Variants in DPY19L2 observed in about 807,000 individuals in gnomAD.
The protein encoded by DPY19L2 is probable C-mannosyltransferase DPY19L2.
In DPY19L2, 34 loss-of-function variants were observed where a neutral mutation model predicts 97.9. The ratio of observed to expected loss-of-function variants is 0.35; its 90% CI spans 0.26 to 0.46. The LOEUF is 0.46. Ranked by LOEUF, DPY19L2 falls within the 20% of genes least tolerant of loss-of-function variation. DPY19L2 has a pLI of 1.00. For synonymous variants in DPY19L2, 230 were observed against 307.9 expected (o/e 0.75, Z 2.65); for missense variants, 623 against 911.4 (o/e 0.68, Z 4.07).
At chr12:63,609,006 A>G (rs1277274123) in intron 11 of DPY19L2, among the ~76,000 whole-genome samples, 7 of 152,300 alleles carry the variant, frequency 4.6e-5, no homozygotes. Context: ...TCAGTTATCC[A>G]GCAACGTTAG....
intron 6 of DPY19L2, among the ~76,000 whole-genome samples, chr12:63,627,636 C>T (rs1889796767): frequency 1.3e-5 from 2 of 152,178 alleles, no homozygotes; most frequent in South Asian, 4.1e-4. Flanking sequence ...AGGCGTGAGC[C>T]ACCGCACCCG....
chr12:63,631,534 T>C (rs366488), intron 6 of DPY19L2, among the ~76,000 whole-genome samples: 1 of 152,086 alleles, frequency 6.6e-6, no homozygotes, highest in Admixed American at 6.5e-5. Context: ...AATCTCTGAA[T>C]AGACCAATAA....
intron 6 of DPY19L2, among the ~76,000 whole-genome samples, chr12:63,642,033 A>T (rs1466060889): frequency 6.6e-6 from 1 of 152,074 alleles, no homozygotes; most frequent in Non-Finnish European, 1.5e-5. Context: ...ACATATGTTT[A>T]TTGACCATTT....
intron 8 of DPY19L2, among the ~76,000 whole-genome samples, chr12:63,623,007 T>A (rs1350175969): frequency 6.6e-6 from 1 of 152,140 alleles, no homozygotes; most frequent in Non-Finnish European, 1.5e-5. Context: ...AACAAATGAC[T>A]TTTATATAAG....
Position 63,668,403 on chromosome 12 carries a change from G to T in DPY19L2, c.-10C>A. 6.3e-7 allele frequency: 1 copy of T among 1,594,792 alleles called. No individual in the cohort carries two copies. Among genetic ancestry groups the T allele is most frequent in the Non-Finnish European group, 8.5e-7 (1 of 1,170,870 alleles). On this transcript the variant is annotated 5_prime_UTR_variant, in exon 1 of 22. Transcript: ENST00000324472. ...CTCCTTGTTTTCTCATAATCAAGGAGTATGGTGGAGCTGGGTCAATTTCAG... is the reference window on the plus strand; with the variant it reads ...CTCCTTGTTTTCTCATAATCAAGGATTATGGTGGAGCTGGGTCAATTTCAG...
At chr12:63,587,741 T>C (rs1882057989) in intron 16 of DPY19L2, among the ~76,000 whole-genome samples, 1 of 151,800 alleles carries the variant, frequency 6.6e-6, no homozygotes, top group African/African-American at 2.4e-5. Flanking sequence ...CCCAGCTAAT[T>C]TGTGTATTTT....
In DPY19L2 at chr12:63,661,043, C is replaced by A. The variant is rs189412102; in HGVS notation, c.588+301G>T. On this transcript the variant is annotated intron_variant, in intron 4 of 21. Coordinates refer to ENST00000324472, the MANE Select transcript of DPY19L2 (RefSeq NM_173812.5). ...ATGCTCACCCACGAGGTGTCCAAAGCCAAAAGCCCATCCCTATTTAGAACT... is the reference window on the plus strand; with the variant it reads ...ATGCTCACCCACGAGGTGTCCAAAGACAAAAGCCCATCCCTATTTAGAACT... The A allele has an allele frequency of 8.3e-3, 1,480 of 177,560 alleles. 11 individuals are homozygous for A. The highest frequency in any genetic ancestry group is 0.014 in the Non-Finnish European group (1,193 of 85,174). The allele number at this position is 177,560 out of a possible 1,614,324, so 11.0% of individuals were successfully genotyped here.
chr12:63,646,072 T>G (rs1267312830), intron 5 of DPY19L2, among the ~76,000 whole-genome samples: 3 of 152,174 alleles, frequency 2.0e-5, no homozygotes, highest in African/African-American at 7.2e-5. Flanking sequence ...TCCCTATTCT[T>G]AAAATACTTA....
chr12:63,563,624 T>C (rs893364973), intron 21 of DPY19L2, among the ~76,000 whole-genome samples: 7 of 152,228 alleles, frequency 4.6e-5, no homozygotes, highest in African/African-American at 1.4e-4. Flanking sequence ...TTGTACATTA[T>C]GTATTGTCTT....
intron 8 of DPY19L2, among the ~76,000 whole-genome samples, 156 bp from the exon 9 acceptor site, chr12:63,621,493 A>G (rs1434211353): frequency 6.6e-6 from 1 of 152,222 alleles, no homozygotes; most frequent in Non-Finnish European, 1.5e-5. Context: ...TACTAAAAAG[A>G]ACTTGAAATA....
In DPY19L2 at chr12:63,624,101, G is replaced by A. The variant is rs587777206; in HGVS notation, c.892C>T (p.Arg298Cys). 12 of 1,611,592 alleles carry A rather than the reference G, an allele frequency of 7.4e-6. No individual in the cohort carries two copies. The highest frequency in any genetic ancestry group is 3.3e-5 in the Admixed American group (2 of 59,982). ...ATRVMWTPPL[R>C]ESFSYPFLVL... Reference sequence around the variant, plus strand: ...AGGAAAGGATAGGAAAAACTTTCACGGAGAGGTGGTGTCCACATCACACGG... The same window carrying A: ...AGGAAAGGATAGGAAAAACTTTCACAGAGAGGTGGTGTCCACATCACACGG... Residue 298 changes from arginine (R) to cysteine (C), a missense_variant, in exon 8 of 22, where the codon CGT becomes TGT. Transcript: ENST00000324472.
intron 7 of DPY19L2, among the ~76,000 whole-genome samples, chr12:63,625,001 T>C (rs1159223890): frequency 6.6e-6 from 1 of 152,160 alleles, no homozygotes; most frequent in African/African-American, 2.4e-5. Context: ...ACAATGCATT[T>C]GTTTGCTTTA....
At chr12:63,567,616 G>A (rs1877993849) in intron 21 of DPY19L2, among the ~76,000 whole-genome samples, 2 of 151,958 alleles carry the variant, frequency 1.3e-5, no homozygotes. Flanking sequence ...CAGCACATTT[G>A]AGTATTTCTT....
chr12:63,620,295 G>A (rs1888479041), intron 9 of DPY19L2: 1 of 195,374 alleles, frequency 5.1e-6, no homozygotes, highest in Admixed American at 6.0e-5. Context: ...CACAGAAATG[G>A]TTCCAGGTAA....
intron 16 of DPY19L2, among the ~76,000 whole-genome samples, chr12:63,585,950 C>A (rs1259733132): frequency 6.6e-6 from 1 of 151,966 alleles, no homozygotes; most frequent in Non-Finnish European, 1.5e-5. Context: ...AGTTGAAGAG[C>A]AAAATGTACA....
At chr12:63,663,704 A>G in intron 3 of DPY19L2, 54 bp downstream of exon 3, 1 of 1,450,012 alleles carries the variant, frequency 6.9e-7, no homozygotes, top group South Asian at 1.2e-5. Context: ...TTTCTACCTC[A>G]TAGTCTCGCT....
chr12:63,651,972 C>T, intron 4 of DPY19L2: 1 of 296,296 alleles, frequency 3.4e-6, no homozygotes, highest in Non-Finnish European at 6.2e-6. Context: ...TCAAACCCAC[C>T]CACTTTCCAT....
rs571020429 is a variant in DPY19L2, at chr12:63,564,309, T to C, written c.2127-3647A>G. Among the ~76,000 whole-genome samples the C allele has an allele frequency of 2.0e-5, 3 of 152,256 alleles. No homozygotes were observed. In the East Asian group the frequency reaches 5.8e-4, roughly 29 times the overall value. On this transcript the variant is annotated intron_variant, in intron 21 of 21. Coordinates refer to ENST00000324472, the MANE Select transcript of DPY19L2 (RefSeq NM_173812.5). The stretch of plus-strand genomic sequence containing the variant: ...TACTTATTCTTTTTTTCTAGTTCCT[T>C]AAGGTGAAGCTGAGTGACTGATATG...
chr12:63,639,962 CAAT>C (rs1474190925), intron 6 of DPY19L2, among the ~76,000 whole-genome samples: 1 of 152,118 alleles, frequency 6.6e-6, no homozygotes, highest in Non-Finnish European at 1.5e-5. Flanking sequence ...AAATGTCCAA[CAAT>C]GATAGACTCG....
Sources: gnomAD v4.1 joint callset for allele counts (sites outside exome capture counted in the v4.1 genomes callset) on GRCh38, gnomAD v4.1.1 for gene constraint, MANE v1.5 for transcripts, NCBI Gene and HGNC (gene_info 2026-07-23, HGNC 2026-07-21) for gene names.